The following COIL variants were observed in gnomAD, a reference collection of about 807,000 sequenced individuals.
COIL encodes coilin p80.
COIL carries 28 observed loss-of-function variants against 51.6 expected under a neutral mutation model. The ratio of observed to expected loss-of-function variants is 0.54; its 90% CI spans 0.40 to 0.74. COIL has a LOEUF of 0.74. Ranked by LOEUF, COIL falls within the 30% of genes least tolerant of loss-of-function variation. The probability of loss-of-function intolerance (pLI) is 0.00; values close to 1 mark genes in which losing one functional copy is unlikely to be tolerated. For synonymous variants in COIL, 233 were observed against 255.8 expected (o/e 0.91, Z 0.85); for missense variants, 667 against 685.9 (o/e 0.97, Z 0.31).
At chr17:56,941,581 T>G (rs749342127) in intron 6 of COIL, among the ~76,000 whole-genome samples, 55 of 151,960 alleles carry the variant, frequency 3.6e-4, no homozygotes, top group Non-Finnish European at 6.8e-4. Flanking sequence ...AAAACAAAAG[T>G]TGGAACTGTG....
chr17:56,954,176 C>T (rs901136403), intron 1 of COIL, among the ~76,000 whole-genome samples: 1 of 152,116 alleles, frequency 6.6e-6, no homozygotes, highest in African/African-American at 2.4e-5. Flanking sequence ...CATGTAACAT[C>T]CAGTTGATGA....
intron 4 of COIL, 75 bp from the exon 5 acceptor site, chr17:56,946,586 G>T: frequency 1.1e-6 from 1 of 930,844 alleles, no homozygotes; most frequent in Non-Finnish European, 1.7e-6. Context: ...CTGAATTGTA[G>T]ACTTTAAAAT....
chr17:56,950,211 A>C lies in COIL; in HGVS notation c.1031T>G (p.Val344Gly), dbSNP rs1165926741. 6.2e-7 allele frequency: 1 copy of C among 1,614,078 alleles called. No individual in the cohort carries two copies. The highest frequency in any genetic ancestry group is 1.7e-5 in the Admixed American group (1 of 60,000). ...ACGACCTCTTCCTGCAAAAAGGCCT[A>C]CTGTCTTTAAGAAACCCGCAGCACA... ...PECAAGFLKT[V>G]GLFAGRGRPG... The change falls in exon 2 of 7, where the codon GTA becomes GGA. Residue 344 changes from valine (V) to glycine (G), a missense_variant. Physicochemically the swap from Val to Gly is moderately radical, Grantham distance 109 (BLOSUM62 -3). Coordinates refer to ENST00000240316, the MANE Select transcript of COIL (RefSeq NM_004645.3).
intron 1 of COIL, among the ~76,000 whole-genome samples, chr17:56,959,366 C>A (rs2144407676): frequency 6.6e-6 from 1 of 152,140 alleles, no homozygotes; most frequent in East Asian, 1.9e-4. Context: ...AAAAAAAAGT[C>A]TGAATAAATC....
At chr17:56,946,389 T>A in intron 5 of COIL, 53 bp downstream of exon 5, 1 of 1,256,704 alleles carries the variant, frequency 8.0e-7, no homozygotes, top group Non-Finnish European at 1.1e-6. Context: ...AAGCTATTTA[T>A]AAACCACTGT....
chr17:56,950,973 A>G lies in COIL; in HGVS notation c.269T>C (p.Val90Ala). Reference protein sequence around the residue: ...CLRVKLEERGVAENSVVISNG... With the variant: ...CLRVKLEERGAAENSVVISNG... ...ACTGATGACTACAGAATTCTCAGCA[A>G]CTCCTCTCTCTTCTAATTTAACTCT... The change falls in exon 2 of 7, where the codon GTT becomes GCT. Residue 90 changes from valine to alanine, a missense_variant. Coordinates refer to ENST00000240316, the MANE Select transcript of COIL (RefSeq NM_004645.3). 1 of 1,604,320 alleles carries G rather than the reference A, an allele frequency of 6.2e-7. No individual in the cohort carries two copies. The highest frequency in any genetic ancestry group is 1.1e-5 in the South Asian group (1 of 89,658).
rs768322523 is a variant in COIL at position 56,939,059 on chromosome 17, G to A, written c.*12C>T. The A allele has an allele frequency of 4.8e-6, 7 of 1,451,046 alleles. No individual in the cohort carries two copies. The highest frequency in any genetic ancestry group is 2.9e-6 in the Non-Finnish European group (3 of 1,032,800). The allele number at this position is 1,451,046 out of a possible 1,614,324, so 89.9% of individuals were successfully genotyped here. ...CAAGACATTCATAAACTATAAGGTG[G>A]AGAGGTCATACTCAGGCAGGTTCTG... On this transcript the variant is annotated 3_prime_UTR_variant, in exon 7 of 7. Transcript: ENST00000240316.
At chr17:56,956,590 C>T (rs892592430) in intron 1 of COIL, among the ~76,000 whole-genome samples, 25 of 151,644 alleles carry the variant, frequency 1.6e-4, no homozygotes, top group Admixed American at 6.6e-4. Context: ...TTTTTTTGTT[C>T]GTTTGTTTGT....
intron 4 of COIL, 55 bp downstream of exon 4, chr17:56,949,332 A>G (rs1910309766): frequency 1.4e-6 from 2 of 1,383,250 alleles, no homozygotes; most frequent in Non-Finnish European, 2.0e-6. Flanking sequence ...AGTATTAAAT[A>G]TGACTTTAGT....
At position 56,949,520 on chromosome 17, in the gene COIL, T is replaced by C. The variant is rs1333107899; in HGVS notation, c.1441-86A>G. 15 of 1,465,156 alleles carry C rather than the reference T, an allele frequency of 1.0e-5. No homozygotes were observed. In the East Asian group the frequency reaches 1.4e-4, roughly 13 times the overall value. The allele number at this position is 1,465,156 out of a possible 1,614,324, so 90.8% of individuals were successfully genotyped here. Reference sequence around the variant, plus strand: ...GCTCCTCCATCATGCCATGTTGGCGTGTCCACCCCGACCAGTCTGGGAGCC... The same window carrying C: ...GCTCCTCCATCATGCCATGTTGGCGCGTCCACCCCGACCAGTCTGGGAGCC... On this transcript the variant is annotated intron_variant, in intron 3 of 6. Coordinates refer to ENST00000240316, the MANE Select transcript of COIL (RefSeq NM_004645.3).
At chr17:56,959,848 G>A (rs1320222700) in intron 1 of COIL, among the ~76,000 whole-genome samples, 1 of 152,268 alleles carries the variant, frequency 6.6e-6, no homozygotes, top group African/African-American at 2.4e-5. Context: ...GCCTGGCCCT[G>A]CCCTTAGGCA....
chr17:56,953,811 A>T (rs1475810079), intron 1 of COIL, among the ~76,000 whole-genome samples: 1 of 152,184 alleles, frequency 6.6e-6, no homozygotes, highest in Non-Finnish European at 1.5e-5. Flanking sequence ...ATAAAATAAG[A>T]GTTACTGATA....
At chr17:56,944,043 T>G (rs942323784) in intron 5 of COIL, among the ~76,000 whole-genome samples, 4 of 151,844 alleles carry the variant, frequency 2.6e-5, no homozygotes, top group Non-Finnish European at 5.9e-5. Flanking sequence ...GTTTTGTTTT[T>G]TTTTTTTACG....
intron 5 of COIL, among the ~76,000 whole-genome samples, chr17:56,944,375 G>A (rs900996352): frequency 4.6e-5 from 7 of 152,004 alleles, no homozygotes; most frequent in East Asian, 1.9e-4. Flanking sequence ...GGAGGATCAC[G>A]AGGTCAGGAG....
rs1255326495 is a variant in COIL, at chr17:56,939,121, T to C, written c.1681A>G (p.Arg561Gly). The change falls in exon 7 of 7, where the codon AGA (arginine) becomes GGA (glycine). Residue 561 changes from arginine to glycine, a missense_variant. Coordinates refer to ENST00000240316, the MANE Select transcript of COIL (RefSeq NM_004645.3). ...TVFWKELIDP[R>G]LIIESPSNTS... is the part of the protein sequence containing the mutation. The stretch of plus-strand genomic sequence containing the variant: ...TTACTTGGAGATTCAATAATCAGTC[T>C]TGGGTCAATCAACTCTTTCCAAAAT... 2.5e-6 allele frequency: 4 copies of C among 1,605,856 alleles called. No individual in the cohort carries two copies. Among genetic ancestry groups the C allele is most frequent in the African/African-American group, 1.3e-5 (1 of 74,872 alleles).
intron 1 of COIL, chr17:56,951,295 G>C (rs963698312): frequency 4.0e-6 from 1 of 249,962 alleles, no homozygotes; most frequent in African/African-American, 2.2e-5. Context: ...TTTACAGATC[G>C]CAAAATTACA....
At chr17:56,946,245 G>C (rs1177697933) in intron 5 of COIL, among the ~76,000 whole-genome samples, 197 bp downstream of exon 5, 1 of 152,072 alleles carries the variant, frequency 6.6e-6, no homozygotes, top group African/African-American at 2.4e-5. Context: ...TATAATTACA[G>C]TAATAAGAAC....
intron 5 of COIL, among the ~76,000 whole-genome samples, chr17:56,944,323 T>G (rs1240148055): frequency 6.6e-6 from 1 of 152,144 alleles, no homozygotes; most frequent in Non-Finnish European, 1.5e-5. Flanking sequence ...CCAGGCACGG[T>G]GGCTCATGCC....
chr17:56,942,756 T>C (rs112242761), intron 5 of COIL, among the ~76,000 whole-genome samples: 12 of 152,312 alleles, frequency 7.9e-5, no homozygotes, highest in African/African-American at 2.9e-4. Flanking sequence ...CCTCAAGTGA[T>C]CTGCCCGCCT....
Sources: allele counts gnomAD v4.1 joint callset (sites outside exome capture counted in the v4.1 genomes callset), GRCh38; gene constraint gnomAD v4.1.1; transcripts MANE v1.5; gene names NCBI Gene and HGNC (gene_info 2026-07-23, HGNC 2026-07-21).